ZNF804B: variants seen among roughly 807,000 people sequenced by gnomAD.
ZNF804B encodes the protein zinc finger protein 804B.
Under a neutral mutation model 101.4 loss-of-function variants are expected in ZNF804B, and 80 were observed. That is an observed-to-expected ratio of 0.79 (90% CI 0.66 to 0.95). The LOEUF is 0.95. ZNF804B is among the 40% of genes least tolerant of loss of function. ZNF804B has a pLI of 0.00. For missense variants in ZNF804B, 1,673 were observed against 1,561.9 expected (o/e 1.07, Z -1.20); for synonymous variants, 622 against 558.8 (o/e 1.11, Z -1.59).
chr7:88,766,583 A>G lies in ZNF804B; in HGVS notation c.108+6499A>G, dbSNP rs372842306. 1.5e-4 allele frequency among the ~76,000 whole-genome samples: 23 copies of G among 152,254 alleles called. No homozygotes were observed. The East Asian group carries it at 2.3e-3, about 15-fold the overall frequency. ...GACAAATCTGTGGCTTAGCAAAGGGATAGGAATTGATGTTGGCCTTAAAAG... is the reference window on the plus strand; with the variant it reads ...GACAAATCTGTGGCTTAGCAAAGGGGTAGGAATTGATGTTGGCCTTAAAAG... On this transcript the variant is annotated intron_variant, in intron 1 of 3. Transcript: ENST00000333190.
At chr7:88,985,050 A>G (rs1793740774) in intron 1 of ZNF804B, among the ~76,000 whole-genome samples, 1 of 152,084 alleles carries the variant, frequency 6.6e-6, no homozygotes, top group Non-Finnish European at 1.5e-5. Flanking sequence ...TGACTGTTCA[A>G]GAGGAATATC....
At chr7:89,232,983 G>T (rs973546096) in intron 2 of ZNF804B, among the ~76,000 whole-genome samples, 2 of 152,122 alleles carry the variant, frequency 1.3e-5, no homozygotes, top group East Asian at 3.9e-4. Context: ...GTGCAGTGGC[G>T]CGATCTCCAC....
intron 2 of ZNF804B, among the ~76,000 whole-genome samples, chr7:89,285,147 A>G (rs1303875886): frequency 6.6e-6 from 1 of 151,958 alleles, no homozygotes; most frequent in Non-Finnish European, 1.5e-5. Context: ...TGAGTCCTGG[A>G]GGTTGAGGCT....
intron 1 of ZNF804B, among the ~76,000 whole-genome samples, chr7:89,085,826 T>C (rs1789791085): frequency 6.6e-6 from 1 of 152,036 alleles, no homozygotes; most frequent in Non-Finnish European, 1.5e-5. Context: ...ATCATTTGGA[T>C]TGCCCTCCTG....
intron 1 of ZNF804B, among the ~76,000 whole-genome samples, chr7:89,084,275 T>C (rs973981451): frequency 6.6e-6 from 1 of 151,890 alleles, no homozygotes; most frequent in African/African-American, 2.4e-5. Flanking sequence ...CTTAGAATCC[T>C]TAGAATCTTA....
At chr7:88,788,637 T>C (rs1307417486) in intron 1 of ZNF804B, among the ~76,000 whole-genome samples, 1 of 152,204 alleles carries the variant, frequency 6.6e-6, no homozygotes, top group Non-Finnish European at 1.5e-5. Flanking sequence ...CCTTGTCTTT[T>C]TTACCATTGT....
chr7:88,977,103 A>ACC (rs952141662), intron 1 of ZNF804B, among the ~76,000 whole-genome samples: 1 of 151,612 alleles, frequency 6.6e-6, no homozygotes, highest in Non-Finnish European at 1.5e-5. Context: ...CTGATGAAGG[A>ACC]CCTTTTTAAT....
intron 1 of ZNF804B, among the ~76,000 whole-genome samples, chr7:89,125,875 C>A: frequency 6.6e-6 from 1 of 151,798 alleles, no homozygotes; most frequent in East Asian, 1.9e-4. Context: ...GCATTTTATG[C>A]CAGATATATA....
At chr7:89,153,625 T>A (rs1241068910) in intron 1 of ZNF804B, among the ~76,000 whole-genome samples, 1 of 152,046 alleles carries the variant, frequency 6.6e-6, no homozygotes, top group Non-Finnish European at 1.5e-5. Flanking sequence ...CTAGGTATCA[T>A]AAGACAAGTG....
At chr7:88,873,569 C>T (rs560854726) in intron 1 of ZNF804B, among the ~76,000 whole-genome samples, 2 of 152,174 alleles carry the variant, frequency 1.3e-5, no homozygotes, top group African/African-American at 2.4e-5. Context: ...AATGGTAATG[C>T]CTAGGTTTTC....
intron 1 of ZNF804B, among the ~76,000 whole-genome samples, chr7:89,194,264 G>T (rs1287587635): frequency 6.6e-6 from 1 of 152,060 alleles, no homozygotes; most frequent in African/African-American, 2.4e-5. Flanking sequence ...TTTGTAGGTT[G>T]CCTGTTCACT....
At chr7:89,006,775 A>G (rs892123626) in intron 1 of ZNF804B, among the ~76,000 whole-genome samples, 8 of 152,166 alleles carry the variant, frequency 5.3e-5, no homozygotes, top group African/African-American at 1.9e-4. Flanking sequence ...GCTTCTCCAG[A>G]CTATTCAACT....
intron 1 of ZNF804B, among the ~76,000 whole-genome samples, chr7:89,163,333 C>T (rs374371121): frequency 6.6e-6 from 1 of 152,184 alleles, no homozygotes; most frequent in African/African-American, 2.4e-5. Flanking sequence ...TTTTAACTTA[C>T]AAGTTTTGTT....
intron 1 of ZNF804B, among the ~76,000 whole-genome samples, chr7:88,960,844 A>G (rs2116089177): frequency 6.6e-6 from 1 of 151,484 alleles, no homozygotes; most frequent in East Asian, 2.0e-4. Flanking sequence ...TTTTGGAACA[A>G]ATATTTATTG....
chr7:89,027,888 TAGTGGGTAAAA>T (rs1788775133), intron 1 of ZNF804B, among the ~76,000 whole-genome samples: 1 of 152,196 alleles, frequency 6.6e-6, no homozygotes, highest in South Asian at 2.1e-4. Flanking sequence ...CTGCTTTTTC[TAGTGGGTAAAA>T]TTAGGCAGTT....
At chr7:89,076,273 C>T (rs552233579) in intron 1 of ZNF804B, among the ~76,000 whole-genome samples, 2 of 152,204 alleles carry the variant, frequency 1.3e-5, no homozygotes, top group East Asian at 1.9e-4. Context: ...TTCCACAATC[C>T]CCCTGTGTCA....
chr7:89,109,469 G>T (rs1305120085), intron 1 of ZNF804B, among the ~76,000 whole-genome samples: 1 of 152,084 alleles, frequency 6.6e-6, no homozygotes, highest in Non-Finnish European at 1.5e-5. Context: ...CCCAATGCTG[G>T]CTGTTGATCT....
intron 1 of ZNF804B, among the ~76,000 whole-genome samples, chr7:89,125,865 G>A (rs904828319): frequency 6.6e-6 from 1 of 151,994 alleles, no homozygotes; most frequent in African/African-American, 2.4e-5. Context: ...AAAATAAAAT[G>A]CATTTTATGC....
chr7:88,872,593 A>G (rs1484638954), intron 1 of ZNF804B, among the ~76,000 whole-genome samples: 1 of 151,898 alleles, frequency 6.6e-6, no homozygotes, highest in African/African-American at 2.4e-5. Context: ...AGCATTAGGT[A>G]TATCTCCCAA....
Sources: allele counts gnomAD v4.1 joint callset (sites outside exome capture counted in the v4.1 genomes callset), GRCh38; gene constraint gnomAD v4.1.1; transcripts MANE v1.5; gene names NCBI Gene and HGNC (gene_info 2026-07-23, HGNC 2026-07-21).